The following HPSE2 variants were observed in gnomAD, a reference collection of about 807,000 sequenced individuals.
HPSE2 encodes the protein inactive heparanase-2.
In HPSE2, 38 loss-of-function variants were observed where a neutral mutation model predicts 60.5. The ratio of observed to expected loss-of-function variants is 0.63; its 90% confidence interval spans 0.48 to 0.82. HPSE2 has a LOEUF of 0.82. Ranked by LOEUF, HPSE2 falls within the 40% of genes least tolerant of loss-of-function variation. HPSE2 has a pLI of 0.00. For synonymous variants in HPSE2, 295 were observed against 293.2 expected (o/e 1.01, Z -0.06); for missense variants, 713 against 740.4 (o/e 0.96, Z 0.43).
At chr10:99,273,102 A>G in the HPSE2 span, among the ~76,000 whole-genome samples, 4 of 152,240 alleles carry the variant, frequency 2.6e-5, no homozygotes, top group Non-Finnish European at 1.5e-5. Flanking sequence ...AAGGAACAAA[A>G]TAAAGACATT....
At chr10:98,719,718 A>AAAG (rs1554975640) in intron 5 of HPSE2, among the ~76,000 whole-genome samples, 148 of 148,856 alleles carry the variant, frequency 9.9e-4, no homozygotes, top group African/African-American at 3.5e-3. Flanking sequence ...AAAAAAAAAA[A>AAAG]AAGAAGAAGA....
At chr10:98,461,204 G>C (rs1283297174) in intron 11 of HPSE2, among the ~76,000 whole-genome samples, 1 of 152,262 alleles carries the variant, frequency 6.6e-6, no homozygotes, top group Non-Finnish European at 1.5e-5. Flanking sequence ...CCAGAGATAA[G>C]TGTGTTGTAA....
chr10:98,752,603 G>A (rs2134358312), intron 3 of HPSE2, among the ~76,000 whole-genome samples: 2 of 152,228 alleles, frequency 1.3e-5, no homozygotes, highest in East Asian at 3.9e-4. Context: ...AAAAATAAAC[G>A]TGTTAGTGAA....
chr10:99,299,582 T>C, the HPSE2 span, among the ~76,000 whole-genome samples: 6 of 152,164 alleles, frequency 3.9e-5, no homozygotes, highest in African/African-American at 1.4e-4. Context: ...AACATGCAGA[T>C]GGAGTGGCTG....
At chr10:98,658,811 G>A (rs1431815210) in intron 6 of HPSE2, among the ~76,000 whole-genome samples, 3 of 151,812 alleles carry the variant, frequency 2.0e-5, no homozygotes, top group Admixed American at 6.6e-5. Context: ...AGAAGATAAT[G>A]AAATGACATT....
chr10:99,148,192 T>C (rs1455227574), intron 2 of HPSE2, among the ~76,000 whole-genome samples: 15 of 152,224 alleles, frequency 9.9e-5, no homozygotes, highest in Admixed American at 9.8e-4. Flanking sequence ...GTGAAGAGTT[T>C]GGAGTTAAGC....
At chr10:99,312,396 C>T in the HPSE2 span, among the ~76,000 whole-genome samples, 20 of 152,308 alleles carry the variant, frequency 1.3e-4, no homozygotes, top group Middle Eastern at 3.4e-3. Context: ...CTAAAGCCAG[C>T]ACTCATTTAC....
At chr10:99,290,060 C>T in the HPSE2 span, among the ~76,000 whole-genome samples, 19 of 152,008 alleles carry the variant, frequency 1.2e-4, no homozygotes, top group South Asian at 6.2e-4. Flanking sequence ...TTCCCCTCCC[C>T]GCCCACTTAT....
At chr10:98,518,599 T>C (rs1023758515) in intron 9 of HPSE2, among the ~76,000 whole-genome samples, 19 of 151,426 alleles carry the variant, frequency 1.3e-4, no homozygotes, top group African/African-American at 4.6e-4. Context: ...CCCAGCTAAC[T>C]AGGAGGCTGA....
chr10:98,983,752 G>T (rs981129244), intron 3 of HPSE2, among the ~76,000 whole-genome samples: 6 of 152,170 alleles, frequency 3.9e-5, no homozygotes, highest in Non-Finnish European at 7.4e-5. Context: ...GCCAAGGAAA[G>T]GGGTGACAGA....
intron 9 of HPSE2, among the ~76,000 whole-genome samples, chr10:98,541,753 G>A (rs569092162): frequency 1.3e-5 from 2 of 152,268 alleles, no homozygotes; most frequent in East Asian, 3.9e-4. Flanking sequence ...CAAGGTGGCA[G>A]CGAGGCTGGG....
intron 3 of HPSE2, among the ~76,000 whole-genome samples, chr10:98,813,239 TTAACCTCAAACTTGAACCAAAGACATG>T (rs1196334887): frequency 1.3e-5 from 2 of 152,188 alleles, no homozygotes; most frequent in Admixed American, 1.3e-4. Context: ...TCTGGGCCAC[TTAACCTCAAACTTGAACCAAAGACATG>T]TGACCAGAAC....
At chr10:98,668,462 C>T (rs1307942911) in intron 6 of HPSE2, among the ~76,000 whole-genome samples, 1 of 152,084 alleles carries the variant, frequency 6.6e-6, no homozygotes, top group Admixed American at 6.6e-5. Flanking sequence ...CCAAAGCAAT[C>T]CTAAGCAAAA....
intron 3 of HPSE2, among the ~76,000 whole-genome samples, chr10:98,988,183 C>G (rs1326272488): frequency 1.3e-5 from 2 of 152,332 alleles, no homozygotes; most frequent in Admixed American, 1.3e-4. Context: ...GTCCGCATCA[C>G]CAAGGCAATC....
intron 6 of HPSE2, among the ~76,000 whole-genome samples, chr10:98,651,186 T>C (rs183999353): frequency 6.6e-6 from 1 of 152,316 alleles, no homozygotes; most frequent in African/African-American, 2.4e-5. Context: ...CACTTCTCTG[T>C]TTAAAAAGAA....
At chr10:99,133,043 T>G (rs1158327820) in intron 3 of HPSE2, among the ~76,000 whole-genome samples, 2 of 152,248 alleles carry the variant, frequency 1.3e-5, no homozygotes, top group South Asian at 2.1e-4. Context: ...CTGGGATGCA[T>G]GAGCTTGGTG....
chr10:98,911,850 AGGAGTTTTAGAATCGATGGATATGGGTTT>A (rs1953988070), intron 3 of HPSE2, among the ~76,000 whole-genome samples: 1 of 152,182 alleles, frequency 6.6e-6, no homozygotes, highest in Non-Finnish European at 1.5e-5. Context: ...CAGCAAATGA[AGGAGTTTTAGAATCGATGGATATGGGTTT>A]AAAACCTGGC....
chr10:99,047,608 A>T, intron 3 of HPSE2: 4 of 657,706 alleles, frequency 6.1e-6, no homozygotes, highest in Non-Finnish European at 1.1e-5. Context: ...AGGGACTTAA[A>T]TCAACAAGCA....
chr10:98,773,425 T>C lies in HPSE2; in HGVS notation c.611-29369A>G, dbSNP rs1031027039. On this transcript the variant is annotated intron_variant, in intron 3 of 11. Coordinates refer to ENST00000370552, the MANE Select transcript of HPSE2 (RefSeq NM_021828.5). ...CCAATTAAACTGGTCTAGATACTTT[T>C]AGGATATATAGCAGTGATCTCCCTT... Among the ~76,000 whole-genome samples, 69 of 152,160 alleles carry C rather than the reference T, an allele frequency of 4.5e-4. 2 individuals carry two copies. Among genetic ancestry groups the C allele is most frequent in the Non-Finnish European group, 4.4e-5 (3 of 68,026 alleles).
Sources: gnomAD v4.1 joint callset for allele counts (sites outside exome capture counted in the v4.1 genomes callset) on GRCh38, gnomAD v4.1.1 for gene constraint, MANE v1.5 for transcripts, NCBI Gene and HGNC (gene_info 2026-07-23, HGNC 2026-07-21) for gene names.